Variants in SRBD1 observed in about 807,000 individuals in gnomAD.
SRBD1 encodes the protein S1 RNA binding domain 1, also known as S1 RNA-binding domain-containing protein 1.
In SRBD1, 88 loss-of-function variants were observed where a neutral mutation model predicts 115.3. The ratio of observed to expected loss-of-function variants is 0.76; its 90% CI spans 0.64 to 0.91. The LOEUF (loss-of-function observed/expected upper bound fraction) is 0.91, where lower values mean the gene tolerates loss of function less well. Among genes scored for constraint, SRBD1 ranks in the 40% least tolerant of loss-of-function variants. The probability of loss-of-function intolerance (pLI) is 0.00; values close to 1 mark genes in which losing one functional copy is unlikely to be tolerated. For missense variants in SRBD1, 1,385 were observed against 1,177.4 expected (o/e 1.18, Z -2.58); for synonymous variants, 509 against 407.7 (o/e 1.25, Z -2.99).
At chr2:45,605,973 T>C (rs1489633094) in intron 1 of SRBD1, among the ~76,000 whole-genome samples, 4 of 150,576 alleles carry the variant, frequency 2.7e-5, no homozygotes, top group African/African-American at 9.8e-5. Flanking sequence ...CTTAAGAGTA[T>C]GGGCCATCTT....
intron 16 of SRBD1, among the ~76,000 whole-genome samples, chr2:45,456,518 T>A (rs1034193954): frequency 6.6e-6 from 1 of 151,964 alleles, no homozygotes; most frequent in African/African-American, 2.4e-5. Flanking sequence ...TACTGTCATA[T>A]AACCAATGTT....
intron 1 of SRBD1, among the ~76,000 whole-genome samples, chr2:45,606,388 G>A (rs1409495863): frequency 2.0e-5 from 3 of 152,036 alleles, no homozygotes; most frequent in East Asian, 3.9e-4. Context: ...TTGAACTCCC[G>A]ACCTCAGGTG....
rs750097931 is a variant in SRBD1 at position 45,393,094 on chromosome 2, A to G, written c.2549T>C (p.Val850Ala). 9 of 1,613,138 alleles carry G rather than the reference A, an allele frequency of 5.6e-6. No individual in the cohort carries two copies. In the East Asian group the frequency reaches 1.3e-4, roughly 24 times the overall value. ...LSSIGGTLYE[V>A]GKPEMQQKIN... ...TTTTTGTTGCATTTCAGGCTTTCCA[A>G]CCTCATACAGTGTCCCTCCAATGGA... Residue 850 changes from valine to alanine, a missense_variant, in exon 20 of 21, where the codon GTT (valine) becomes GCT (alanine). By Grantham distance (64) the Val-to-Ala change is moderately conservative. Transcript: ENST00000263736.
In SRBD1 at chr2:45,418,441, C is replaced by G; in HGVS notation, c.2257G>C (p.Gly753Arg). 2 of 1,613,824 alleles carry G rather than the reference C, an allele frequency of 1.2e-6. No individual in the cohort carries two copies. Among genetic ancestry groups the G allele is most frequent in the Non-Finnish European group, 1.7e-6 (2 of 1,179,962 alleles). The change falls in exon 18 of 21, where the codon GGG becomes CGG. Residue 753 changes from glycine (G) to arginine (R), a missense_variant. Physicochemically the swap from Gly to Arg is moderately radical, Grantham distance 125. Transcript: ENST00000263736. The part of the protein sequence containing the change: ...INREQLKKVK[G>R]LGPKSFQQCA... ...TGTTGGAAGGATTTTGGGCCCAGCC[C>G]TTTCACTTTCTTCAGCTGTTCTCGG...
At chr2:45,552,266 T>C (rs1316928139) in intron 11 of SRBD1, among the ~76,000 whole-genome samples, 1 of 152,212 alleles carries the variant, frequency 6.6e-6, no homozygotes, top group East Asian at 1.9e-4. Context: ...TCAGGTTAAG[T>C]ATTCCTATCA....
chr2:45,415,440 T>TATAGTGTGTA (rs1667789166), intron 18 of SRBD1, among the ~76,000 whole-genome samples: 1 of 143,788 alleles, frequency 7.0e-6, no homozygotes, highest in African/African-American at 2.5e-5. Context: ...TATACACACA[T>TATAGTGTGTA]TTAAAAAACA....
At chr2:45,605,204 G>A (rs748844399) in intron 2 of SRBD1, among the ~76,000 whole-genome samples, 158 bp downstream of exon 2, 33 of 152,104 alleles carry the variant, frequency 2.2e-4, no homozygotes, top group Non-Finnish European at 4.0e-4. Context: ...GACAGAACCT[G>A]GAACACAGCA....
chr2:45,560,950 A>T (rs1405324308), intron 10 of SRBD1, among the ~76,000 whole-genome samples: 4 of 151,770 alleles, frequency 2.6e-5, no homozygotes, highest in Admixed American at 2.0e-4. Flanking sequence ...TTAAATAAAA[A>T]AAAAAAAAAA....
At chr2:45,537,640 G>C (rs1671805887) in intron 14 of SRBD1, among the ~76,000 whole-genome samples, 1 of 152,198 alleles carries the variant, frequency 6.6e-6, no homozygotes, top group Non-Finnish European at 1.5e-5. Flanking sequence ...GGAGGGACAA[G>C]AGTTAGACTT....
intron 7 of SRBD1, among the ~76,000 whole-genome samples, chr2:45,576,869 G>A (rs974485492): frequency 6.6e-6 from 1 of 152,144 alleles, no homozygotes; most frequent in Non-Finnish European, 1.5e-5. Context: ...CAATAAGAAA[G>A]GGCCTTTGAA....
At chr2:45,541,877 T>C (rs910123472) in intron 14 of SRBD1, among the ~76,000 whole-genome samples, 2 of 152,236 alleles carry the variant, frequency 1.3e-5, no homozygotes, top group Admixed American at 6.5e-5. Flanking sequence ...TGCATGCTGA[T>C]TGGTCCATGG....
chr2:45,522,952 G>T (rs1281183551), intron 14 of SRBD1, among the ~76,000 whole-genome samples: 2 of 152,062 alleles, frequency 1.3e-5, no homozygotes, highest in Non-Finnish European at 2.9e-5. Context: ...ACTACACAGA[G>T]GGGGTCAACA....
rs527396964 is a variant in SRBD1, at chr2:45,393,222, G to C, written c.2514-93C>G. Reference sequence around the variant, plus strand: ...ATCACCCTAAAATTCATTCATCTTAGACCCATAGGTCAATCAATCAGTCTT... The same window carrying C: ...ATCACCCTAAAATTCATTCATCTTACACCCATAGGTCAATCAATCAGTCTT... On this transcript the variant is annotated intron_variant, in intron 19 of 20. Coordinates refer to ENST00000263736, the MANE Select transcript of SRBD1 (RefSeq NM_018079.5). The C allele has an allele frequency of 1.1e-4, 146 of 1,272,300 alleles. 7 individuals carry two copies. The South Asian group carries it at 2.3e-3, about 20-fold the overall frequency. 78.8% of individuals were successfully genotyped at this position (1,272,300 alleles called of 1,614,324 possible).
At chr2:45,420,776 C>A (rs1027609784) in intron 16 of SRBD1, among the ~76,000 whole-genome samples, 1 of 152,216 alleles carries the variant, frequency 6.6e-6, no homozygotes, top group Non-Finnish European at 1.5e-5. Flanking sequence ...GAGTAATCCT[C>A]TGTTGTCTCT....
chr2:45,457,628 A>C (rs968243092), intron 16 of SRBD1, among the ~76,000 whole-genome samples: 1 of 152,026 alleles, frequency 6.6e-6, no homozygotes, highest in African/African-American at 2.4e-5. Flanking sequence ...TAATATAAGA[A>C]ATGTCATTCT....
At chr2:45,432,317 C>T (rs1668365835) in intron 16 of SRBD1, among the ~76,000 whole-genome samples, 1 of 151,630 alleles carries the variant, frequency 6.6e-6, no homozygotes, top group African/African-American at 2.4e-5. Context: ...GTGTGAGCCA[C>T]TGCGCCTGGC....
intron 14 of SRBD1, among the ~76,000 whole-genome samples, chr2:45,493,500 A>G (rs1250861021): frequency 6.6e-6 from 1 of 152,120 alleles, no homozygotes; most frequent in Non-Finnish European, 1.5e-5. Context: ...CAAATGAGCA[A>G]TATCTAGTCA....
At chr2:45,457,429 G>C (rs1270302693) in intron 16 of SRBD1, among the ~76,000 whole-genome samples, 1 of 151,840 alleles carries the variant, frequency 6.6e-6, no homozygotes, top group Non-Finnish European at 1.5e-5. Flanking sequence ...GGCCAACAGA[G>C]CCCTAAGAAT....
intron 16 of SRBD1, among the ~76,000 whole-genome samples, chr2:45,439,334 A>G (rs1391106568): frequency 6.6e-6 from 1 of 151,214 alleles, no homozygotes; most frequent in Admixed American, 6.6e-5. Flanking sequence ...ACCAGAAAGC[A>G]AAAAGTAAAA....
Sources: allele counts gnomAD v4.1 joint callset (sites outside exome capture counted in the v4.1 genomes callset), GRCh38; gene constraint gnomAD v4.1.1; transcripts MANE v1.5; gene names NCBI Gene and HGNC (gene_info 2026-07-23, HGNC 2026-07-21).